Variants in KLHL32 observed in about 807,000 individuals in gnomAD.
KLHL32 encodes kelch-like protein 32.
Under a neutral mutation model 64.8 loss-of-function variants are expected in KLHL32, and 35 were observed. The ratio of observed to expected loss-of-function variants is 0.54; its 90% CI spans 0.41 to 0.72. KLHL32 has a LOEUF of 0.72. KLHL32 is among the 30% of genes least tolerant of loss of function. The pLI, the probability that KLHL32 is intolerant of heterozygous loss-of-function variation, is 0.00. For synonymous variants in KLHL32, 259 were observed against 281.0 expected (o/e 0.92, Z 0.78); for missense variants, 589 against 768.5 (o/e 0.77, Z 2.76).
rs1014320502 is a variant in KLHL32, at chr6:96,994,544, A to G, written c.204+18367A>G. The G allele has an allele frequency of 5.1e-6, 5 of 985,178 alleles. No homozygotes were observed. The African/African-American group carries it at 8.7e-5, about 17-fold the overall frequency. The allele number at this position is 985,178 out of a possible 1,614,324, so 61.0% of individuals were successfully genotyped here. A position where few individuals can be genotyped will look rare whatever the true frequency, so the allele number is the denominator to read the frequency against. ...GCTCAAGTAATTGTTGTTCTGATTC[A>G]GGGAAGGTGGGACTGCAAGAGTAAG... On this transcript the variant is annotated intron_variant, in intron 3 of 10. Transcript: ENST00000369261.
intron 3 of KLHL32, among the ~76,000 whole-genome samples, chr6:97,015,586 A>G (rs1204273262): frequency 6.6e-6 from 1 of 152,126 alleles, no homozygotes; most frequent in African/African-American, 2.4e-5. Context: ...TGAAATTGGA[A>G]CCTATGTTTA....
intron 5 of KLHL32, among the ~76,000 whole-genome samples, chr6:97,084,475 A>G (rs1202806849): frequency 6.6e-6 from 1 of 152,158 alleles, no homozygotes; most frequent in Non-Finnish European, 1.5e-5. Context: ...GAAGAATGGA[A>G]TGTCTGAGGC....
chr6:97,098,315 T>C (rs1013690130), intron 6 of KLHL32, among the ~76,000 whole-genome samples: 2 of 152,222 alleles, frequency 1.3e-5, no homozygotes, highest in South Asian at 2.1e-4. Flanking sequence ...TCATCATATA[T>C]TAGGCACCTG....
At chr6:97,135,481 A>G (rs1174220551) in intron 10 of KLHL32, among the ~76,000 whole-genome samples, 1 of 151,168 alleles carries the variant, frequency 6.6e-6, no homozygotes, top group African/African-American at 2.4e-5. Context: ...AATTTTTTGT[A>G]TTTTTTAGTA....
chr6:97,103,546 G>T lies in KLHL32; in HGVS notation c.628-10237G>T, dbSNP rs180961717. On this transcript the variant is annotated intron_variant, in intron 6 of 10. Coordinates refer to ENST00000369261, the MANE Select transcript of KLHL32 (RefSeq NM_052904.4). The stretch of plus-strand genomic sequence containing the variant: ...GGATTCTAACCAATATTACCTTGAA[G>T]CAGTCACCTTAATAAATTTGAAATT... Among the ~76,000 whole-genome samples, 1,224 of 152,248 alleles carry T rather than the reference G, an allele frequency of 8.0e-3. 10 individuals are homozygous for T. The highest frequency in any genetic ancestry group is 0.012 in the Non-Finnish European group (809 of 68,002).
Position 97,085,213 on chromosome 6 carries a change from T to C in KLHL32, c.499T>C (p.Leu167=). 6.2e-7 allele frequency: 1 copy of C among 1,614,140 alleles called. No homozygotes were observed. Among genetic ancestry groups the C allele is most frequent in the Non-Finnish European group, 8.5e-7 (1 of 1,180,024 alleles). The change falls in exon 6 of 11, where the codon TTA becomes CTA. Residue 167 remains leucine, a synonymous_variant. Coordinates refer to ENST00000369261, the MANE Select transcript of KLHL32 (RefSeq NM_052904.4). ...TLLEKAVIDF[L]VKHLSELLKS... ...GTTGGAGAAGGCAGTGATCGATTTC[T>C]TAGTGAAACATCTCTCTGAACTCCT... is the stretch of plus-strand genomic sequence containing the variant.
At chr6:97,052,222 T>C (rs1039866520) in intron 4 of KLHL32, among the ~76,000 whole-genome samples, 1 of 152,136 alleles carries the variant, frequency 6.6e-6, no homozygotes, top group Non-Finnish European at 1.5e-5. Context: ...TCTGCCCCCA[T>C]AGGGAGAATC....
At chr6:96,952,924 A>G (rs1365592031) in intron 1 of KLHL32, among the ~76,000 whole-genome samples, 1 of 152,182 alleles carries the variant, frequency 6.6e-6, no homozygotes, top group Non-Finnish European at 1.5e-5. Context: ...GTCCCAGCAC[A>G]TAAGGATTGT....
At chr6:96,936,625 T>C (rs1477952350) in intron 1 of KLHL32, among the ~76,000 whole-genome samples, 1 of 152,254 alleles carries the variant, frequency 6.6e-6, no homozygotes, top group Non-Finnish European at 1.5e-5. Context: ...ACCTGTTGCT[T>C]AAATCATTGC....
chr6:97,118,113 G>T (rs530728942), intron 7 of KLHL32, among the ~76,000 whole-genome samples: 57 of 152,046 alleles, frequency 3.7e-4, no homozygotes, highest in African/African-American at 1.3e-3. Flanking sequence ...ATTTGTTAAG[G>T]CTTAACTCCC....
chr6:96,939,341 A>G (rs1770998382), intron 1 of KLHL32, among the ~76,000 whole-genome samples: 1 of 152,244 alleles, frequency 6.6e-6, no homozygotes, highest in Non-Finnish European at 1.5e-5. Flanking sequence ...CCAAAGGCTG[A>G]TGAGTCAGTG....
intron 4 of KLHL32, among the ~76,000 whole-genome samples, chr6:97,054,294 TG>T (rs1465182494): frequency 6.6e-6 from 1 of 152,228 alleles, no homozygotes; most frequent in Non-Finnish European, 1.5e-5. Context: ...ATTTTATTTT[TG>T]TATACTTCAT....
chr6:96,905,219 T>C, the KLHL32 span, among the ~76,000 whole-genome samples: 1 of 152,168 alleles, frequency 6.6e-6, no homozygotes, highest in Non-Finnish European at 1.5e-5. Flanking sequence ...AAGCAAATAC[T>C]CAAGAAATCA....
chr6:97,006,445 G>A (rs1045674749), intron 3 of KLHL32, among the ~76,000 whole-genome samples: 2 of 152,128 alleles, frequency 1.3e-5, no homozygotes, highest in African/African-American at 2.4e-5. Context: ...ATACAGTTGG[G>A]TCTTGCTTCT....
At chr6:96,913,813 GTC>G in the KLHL32 span, among the ~76,000 whole-genome samples, 1 of 152,164 alleles carries the variant, frequency 6.6e-6, no homozygotes, top group South Asian at 2.1e-4. Context: ...GGCTGGCACT[GTC>G]CCCTCCGTCA....
chr6:96,955,608 G>A (rs1039280684), intron 1 of KLHL32, among the ~76,000 whole-genome samples: 1 of 152,052 alleles, frequency 6.6e-6, no homozygotes, highest in African/African-American at 2.4e-5. Flanking sequence ...TTAACTTTTG[G>A]TAAGTGTATT....
intron 6 of KLHL32, among the ~76,000 whole-genome samples, chr6:97,094,774 G>A (rs1794735865): frequency 6.6e-6 from 1 of 152,118 alleles, no homozygotes; most frequent in Non-Finnish European, 1.5e-5. Flanking sequence ...TTGGTAAGTG[G>A]CACGGTATTA....
chr6:96,987,528 T>C (rs1474683922), intron 3 of KLHL32, among the ~76,000 whole-genome samples: 1 of 152,186 alleles, frequency 6.6e-6, no homozygotes, highest in Non-Finnish European at 1.5e-5. Flanking sequence ...CCATACTGCC[T>C]GAAGTAATTT....
intron 4 of KLHL32, among the ~76,000 whole-genome samples, chr6:97,057,043 T>C (rs1305622799): frequency 1.3e-5 from 2 of 152,200 alleles, no homozygotes; most frequent in Non-Finnish European, 2.9e-5. Flanking sequence ...CAACATATTA[T>C]TCATCTTTTG....
Sources: gnomAD v4.1 joint callset for allele counts (sites outside exome capture counted in the v4.1 genomes callset) on GRCh38, gnomAD v4.1.1 for gene constraint, MANE v1.5 for transcripts, NCBI Gene and HGNC (gene_info 2026-07-23, HGNC 2026-07-21) for gene names.